The following CRISPLD1 variants were observed in gnomAD, a reference collection of about 807,000 sequenced individuals.
CRISPLD1 encodes cysteine-rich secretory protein LCCL domain-containing 1.
In CRISPLD1, 60 loss-of-function variants were observed where a neutral mutation model predicts 77.5. That is an observed-to-expected ratio of 0.77 (90% CI 0.63 to 0.96). The LOEUF is 0.96. CRISPLD1 is among the 40% of genes least tolerant of loss of function. The pLI is 0.00. For missense variants in CRISPLD1, 623 were observed against 615.8 expected, an observed-to-expected ratio of 1.01 and a Z score of -0.12; for synonymous variants, 195 against 200.1, an observed-to-expected ratio of 0.97 and a Z score of 0.22.
Position 75,019,952 on chromosome 8 carries a change from A to G in CRISPLD1, c.1171+39A>G, listed in dbSNP as rs113424644. The G allele has an allele frequency of 9.3e-6, 15 of 1,608,912 alleles. No homozygotes were observed. The African/African-American group carries it at 9.3e-5, about 10-fold the overall frequency. On this transcript the variant is annotated intron_variant, in intron 11 of 14. Transcript: ENST00000262207. ...TCATCTTATTTTCTTAGTACTGTGT[A>G]GTATGTTACTGCTTTCAAAGGATTC...
At chr8:75,007,226 C>G (rs1812847584) in intron 2 of CRISPLD1, among the ~76,000 whole-genome samples, 1 of 151,930 alleles carries the variant, frequency 6.6e-6, no homozygotes, top group African/African-American at 2.4e-5. Context: ...TTACTATGGT[C>G]AAGAAGATAT....
intron 12 of CRISPLD1, among the ~76,000 whole-genome samples, chr8:75,022,679 G>T (rs532802507): frequency 2.5e-4 from 38 of 152,016 alleles, no homozygotes; most frequent in Admixed American, 1.1e-3. Flanking sequence ...AACTTTTAGG[G>T]AACCATGTAG....
chr8:75,012,663 C>T (rs919331132), intron 3 of CRISPLD1, 112 bp downstream of exon 3: 2 of 858,280 alleles, frequency 2.3e-6, no homozygotes, highest in Non-Finnish European at 1.8e-6. Context: ...GAAAAGTAAT[C>T]ACGAAACAAG....
chr8:75,025,641 CA>C lies in CRISPLD1; in HGVS notation c.1320+21del. On this transcript the variant is annotated intron_variant, in intron 13 of 14. Transcript: ENST00000262207. Reference sequence around the variant, plus strand: ...TCTGATGTAAGTATCCTAATTTATACAGCTGTCAACATTCATGTATATATAT... The same window carrying C: ...TCTGATGTAAGTATCCTAATTTATACGCTGTCAACATTCATGTATATATAT... The C allele has an allele frequency of 8.2e-7, 1 of 1,219,084 alleles. No individual in the cohort carries two copies. The highest frequency in any genetic ancestry group is 1.2e-6 in the Non-Finnish European group (1 of 825,216). The allele number at this position is 1,219,084 out of a possible 1,614,324, so 75.5% of individuals were successfully genotyped here. A position where few individuals can be genotyped will look rare whatever the true frequency, so the allele number is the denominator to read the frequency against.
Position 75,034,216 on chromosome 8 carries a change from A to G in CRISPLD1, c.*1974A>G, listed in dbSNP as rs993461372. ...TTTAAGAACTTCCATAGTCTTGTTC[A>G]TATTGTTTACCTATCTTCTACACAA... On this transcript the variant is annotated 3_prime_UTR_variant, in exon 15 of 15. Transcript: ENST00000262207. 1 of 152,102 alleles carries G rather than the reference A, an allele frequency of 6.6e-6. No homozygotes were observed. The highest frequency in any genetic ancestry group is 2.4e-5 in the African/African-American group (1 of 41,458). 9.4% of individuals were successfully genotyped at this position (152,102 alleles called of 1,614,324 possible).
intron 12 of CRISPLD1, among the ~76,000 whole-genome samples, chr8:75,021,833 T>C (rs1813141306): frequency 6.6e-6 from 1 of 152,174 alleles, no homozygotes; most frequent in South Asian, 2.1e-4. Context: ...CCAGGAACTT[T>C]AGAATTTAAA....
Position 75,016,531 on chromosome 8 carries a change from G to A in CRISPLD1, c.728-34G>A, listed in dbSNP as rs368680235. On this transcript the variant is annotated intron_variant, in intron 6 of 14. Transcript: ENST00000262207. ...GATAATTCATGCACATGTAAAATAG[G>A]GTTAATATTTCCTAAATCTGCTTTC... The A allele has an allele frequency of 5.7e-6, 9 of 1,577,252 alleles. No individual in the cohort carries two copies. The African/African-American group carries it at 9.6e-5, about 17-fold the overall frequency.
chr8:74,989,737 CTT>C (rs1299475028), intron 2 of CRISPLD1, among the ~76,000 whole-genome samples: 1 of 152,026 alleles, frequency 6.6e-6, no homozygotes. Flanking sequence ...TGTGCAGAAA[CTT>C]TTTAGTTTAA....
intron 2 of CRISPLD1, among the ~76,000 whole-genome samples, chr8:75,011,296 C>G (rs1360151385): frequency 2.3e-5 from 3 of 130,736 alleles, no homozygotes; most frequent in Non-Finnish European, 3.2e-5. Flanking sequence ...CCACAACAGT[C>G]CCCAGAGTGT....
At chr8:74,985,312 G>A (rs916142385) in intron 1 of CRISPLD1, among the ~76,000 whole-genome samples, 4 of 152,274 alleles carry the variant, frequency 2.6e-5, no homozygotes, top group Non-Finnish European at 4.4e-5. Context: ...TGAATAGGAA[G>A]AGACTTACCC....
In CRISPLD1 at chr8:75,017,356, A is replaced by G. The variant is rs746462129; in HGVS notation, c.1033A>G (p.Ile345Val). The part of the protein sequence containing the change: ...SICRAAIHYG[I>V]IDNDGGWVDI... ...CTGTAGAGCTGCAATTCATTATGGT[A>G]TAATAGACAATGATGGTGGCTGGGT... is the stretch of plus-strand genomic sequence containing the variant. Residue 345 changes from isoleucine (I) to valine (V), a missense_variant, in exon 10 of 15, where the codon ATA becomes GTA. Coordinates refer to ENST00000262207, the MANE Select transcript of CRISPLD1 (RefSeq NM_031461.6). The G allele has an allele frequency of 4.3e-6, 7 of 1,610,828 alleles. No homozygotes were observed. In the South Asian group the frequency reaches 5.5e-5, roughly 13 times the overall value.
chr8:75,017,458 C>A lies in CRISPLD1; in HGVS notation c.1127+8C>A. 3 of 1,585,708 alleles carry A rather than the reference C, an allele frequency of 1.9e-6. No individual in the cohort carries two copies. Among genetic ancestry groups the A allele is most frequent in the Non-Finnish European group, 2.6e-6 (3 of 1,170,592 alleles). On this transcript the variant is annotated splice_region_variant and intron_variant, in intron 10 of 14. Coordinates refer to ENST00000262207, the MANE Select transcript of CRISPLD1 (RefSeq NM_031461.6). Reference sequence around the variant, plus strand: ...TGGTATTCAAACAATTGGGTAAGTACCAAAATAATCTTTTGGACCAGATAA... The same window carrying A: ...TGGTATTCAAACAATTGGGTAAGTAACAAAATAATCTTTTGGACCAGATAA...
At chr8:75,004,931 T>TA in intron 2 of CRISPLD1, among the ~76,000 whole-genome samples, 1 of 152,288 alleles carries the variant, frequency 6.6e-6, no homozygotes, top group East Asian at 1.9e-4. Flanking sequence ...TTTAACTTTT[T>TA]ATTAAGATTA....
chr8:74,984,657 C>T lies in CRISPLD1; in HGVS notation c.-326C>T, dbSNP rs1440450140. On this transcript the variant is annotated 5_prime_UTR_variant, in exon 1 of 15. Coordinates refer to ENST00000262207, the MANE Select transcript of CRISPLD1 (RefSeq NM_031461.6). ...ACGCTGGGGCGCCCACCCTGGCAGA[C>T]TAACGAAGCAGCTCCCTTCCCACCC... 1 of 152,338 alleles carries T rather than the reference C, an allele frequency of 6.6e-6. No homozygotes were observed. Among genetic ancestry groups the T allele is most frequent in the Non-Finnish European group, 1.5e-5 (1 of 68,120 alleles). 9.4% of individuals were successfully genotyped at this position (152,338 alleles called of 1,614,324 possible).
intron 2 of CRISPLD1, among the ~76,000 whole-genome samples, chr8:75,010,454 C>A (rs1412966420): frequency 6.6e-6 from 1 of 152,140 alleles, no homozygotes; most frequent in East Asian, 1.9e-4. Flanking sequence ...TGCCACATTT[C>A]TCTTCCTCTC....
chr8:75,026,148 G>A (rs1055818391), intron 13 of CRISPLD1, among the ~76,000 whole-genome samples: 1 of 152,136 alleles, frequency 6.6e-6, no homozygotes, highest in Non-Finnish European at 1.5e-5. Context: ...TCAGTGGCAT[G>A]ATCATATCTC....
Position 74,994,392 on chromosome 8 carries a change from A to G in CRISPLD1, c.258+8147A>G, listed in dbSNP as rs561380643. Among the ~76,000 whole-genome samples the G allele has an allele frequency of 2.0e-5, 3 of 152,354 alleles. No individual in the cohort carries two copies. In the East Asian group the frequency reaches 5.8e-4, roughly 29 times the overall value. ...TGCATTTGATGCAAGATCTAAATCC[A>G]TCCAAGCCTTGGCTACTGTGTTTTG... On this transcript the variant is annotated intron_variant, in intron 2 of 14. Coordinates refer to ENST00000262207, the MANE Select transcript of CRISPLD1 (RefSeq NM_031461.6).
intron 10 of CRISPLD1, among the ~76,000 whole-genome samples, chr8:75,019,174 A>G (rs907250897): frequency 3.3e-5 from 5 of 152,200 alleles, no homozygotes; most frequent in African/African-American, 1.2e-4. Flanking sequence ...AATATTAAAT[A>G]CAGAATTTGA....
rs1450053419 is a variant in CRISPLD1, at chr8:75,023,787, A to AGT, written c.1245-1757_1245-1756dup. 5.0e-3 allele frequency among the ~76,000 whole-genome samples: 639 copies of AGT among 127,634 alleles called. 3 individuals carry two copies. Among genetic ancestry groups the AGT allele is most frequent in the African/African-American group, 0.02 (588 of 29,218 alleles). The allele number at this position is 127,634 out of a possible 152,430, so 83.7% of individuals were successfully genotyped here. On this transcript the variant is annotated intron_variant, in intron 12 of 14. Coordinates refer to ENST00000262207, the MANE Select transcript of CRISPLD1 (RefSeq NM_031461.6). ...TAGTTTGTGTTTCCTTTTAGTGATG[A>AGT]GTGCGTGTGTGTGTGTGTGTGTGTG... is the stretch of plus-strand genomic sequence containing the variant.
Sources: gnomAD v4.1 joint callset for allele counts (sites outside exome capture counted in the v4.1 genomes callset) on GRCh38, gnomAD v4.1.1 for gene constraint, MANE v1.5 for transcripts, NCBI Gene and HGNC (gene_info 2026-07-23, HGNC 2026-07-21) for gene names.